LRRC37A: variants seen among roughly 807,000 people sequenced by gnomAD.
LRRC37A encodes leucine-rich repeat-containing protein 37A.
In LRRC37A, 3 loss-of-function variants were observed where a neutral mutation model predicts 35.4. That is an observed-to-expected ratio of 0.08 (90% CI 0.04 to 0.22). LRRC37A has a LOEUF of 0.22. Ranked by LOEUF, LRRC37A falls within the 10% of genes least tolerant of loss-of-function variation. The pLI is 1.00. For synonymous variants in LRRC37A, 23 were observed against 215.0 expected, an observed-to-expected ratio of 0.11 and a Z score of 7.81; for missense variants, 67 against 565.3, an observed-to-expected ratio of 0.12 and a Z score of 8.94.
the LRRC37A span, among the ~76,000 whole-genome samples, chr17:46,269,475 T>C: frequency 6.6e-6 from 1 of 152,214 alleles, no homozygotes; most frequent in Admixed American, 6.5e-5. Flanking sequence ...GAGGTTGTGG[T>C]GAGCCGAGAT....
At chr17:46,262,610 C>T in the LRRC37A span, among the ~76,000 whole-genome samples, 4 of 152,036 alleles carry the variant, frequency 2.6e-5, no homozygotes, top group Non-Finnish European at 5.9e-5. Context: ...TTATAATTTC[C>T]TTCTTCATAA....
the LRRC37A span, among the ~76,000 whole-genome samples, chr17:46,266,278 A>G: frequency 2.6e-5 from 4 of 152,112 alleles, no homozygotes; most frequent in Non-Finnish European, 4.4e-5. Flanking sequence ...AAACACCCTT[A>G]TTCTCCGCAC....
intron 5 of LRRC37A, among the ~76,000 whole-genome samples, chr17:46,316,621 T>A (rs567346144): frequency 5.3e-5 from 4 of 75,518 alleles, no homozygotes; most frequent in African/African-American, 1.4e-4. Context: ...TTGTTTTTTT[T>A]AATTTTTTTT....
chr17:46,252,992 G>A, the LRRC37A span, among the ~76,000 whole-genome samples: 3,314 of 149,136 alleles, frequency 0.022, 275 homozygotes, highest in African/African-American at 0.066. Flanking sequence ...ATTCCCAGAC[G>A]GGGCGACTGC....
Position 46,316,517 on chromosome 17 carries a change from C to T in LRRC37A, c.2907-5805C>T, listed in dbSNP as rs1050856448. On this transcript the variant is annotated intron_variant, in intron 5 of 13. Transcript: ENST00000320254. ...GGTGCAACCACTCACAACGTTGCAG[C>T]CTCCACCTCCCAGGCTTAAGCAATG... Among the ~76,000 whole-genome samples the T allele has an allele frequency of 5.5e-5, 3 of 54,496 alleles. 1 individual carries two copies. The highest frequency in any genetic ancestry group is 1.4e-4 in the African/African-American group (3 of 21,006). 35.8% of individuals were successfully genotyped at this position (54,496 alleles called of 152,430 possible). A position where few individuals can be genotyped will look rare whatever the true frequency, so the allele number is the denominator to read the frequency against.
At chr17:46,253,504 C>A in the LRRC37A span, among the ~76,000 whole-genome samples, 2 of 152,170 alleles carry the variant, frequency 1.3e-5, no homozygotes, top group East Asian at 3.9e-4. Context: ...CCCGGCACCT[C>A]GGGAGGCCGA....
chr17:46,316,273 C>T, intron 5 of LRRC37A, among the ~76,000 whole-genome samples: 1 of 17,116 alleles, frequency 5.8e-5, no homozygotes, highest in East Asian at 7.5e-4. Context: ...CCTTATAGGG[C>T]AGGTCTTCTA....
At chr17:46,262,084 G>A in the LRRC37A span, among the ~76,000 whole-genome samples, 6 of 152,136 alleles carry the variant, frequency 3.9e-5, no homozygotes, top group African/African-American at 1.4e-4. Context: ...TGAGCAGCTG[G>A]GACTACAGGC....
At chr17:46,287,131 A>T in the LRRC37A span, among the ~76,000 whole-genome samples, 1 of 152,272 alleles carries the variant, frequency 6.6e-6, no homozygotes, top group Non-Finnish European at 1.5e-5. Context: ...AAACTCCAGT[A>T]TCTGATGCTC....
chr17:46,276,290 GATAA>G, the LRRC37A span, among the ~76,000 whole-genome samples: 5 of 152,244 alleles, frequency 3.3e-5, no homozygotes, highest in African/African-American at 1.2e-4. Context: ...TGCAATAGCA[GATAA>G]ATACAGTATT....
chr17:46,266,901 C>T, the LRRC37A span: 2 of 314,260 alleles, frequency 6.4e-6, no homozygotes, highest in Non-Finnish European at 1.1e-5. Context: ...CGCGCGCGCT[C>T]ACGGGCCCTA....
chr17:46,264,146 CT>C, the LRRC37A span, among the ~76,000 whole-genome samples: 166 of 138,744 alleles, frequency 1.2e-3, no homozygotes, highest in East Asian at 3.2e-3. Context: ...CCTCAGCTGA[CT>C]TTTTTTTTTT....
chr17:46,258,133 G>A, the LRRC37A span, among the ~76,000 whole-genome samples: 1 of 152,184 alleles, frequency 6.6e-6, no homozygotes, highest in African/African-American at 2.4e-5. Flanking sequence ...TCCCCACATA[G>A]CTAGAGTGAA....
chr17:46,261,163 A>G, the LRRC37A span, among the ~76,000 whole-genome samples: 3 of 152,162 alleles, frequency 2.0e-5, no homozygotes, highest in African/African-American at 4.8e-5. Context: ...CCACTAAAGA[A>G]CTTACTTACG....
At chr17:46,274,365 T>G in the LRRC37A span, among the ~76,000 whole-genome samples, 18,482 of 152,282 alleles carry the variant, frequency 0.12, no homozygotes, top group Non-Finnish European at 0.18. Flanking sequence ...TATATTCAAG[T>G]CACCAGAGTC....
the LRRC37A span, among the ~76,000 whole-genome samples, chr17:46,278,213 T>A: frequency 6.6e-6 from 1 of 152,178 alleles, no homozygotes; most frequent in Non-Finnish European, 1.5e-5. Flanking sequence ...TCCCAAGTGC[T>A]GGGATTACAG....
At chr17:46,282,270 T>C in the LRRC37A span, among the ~76,000 whole-genome samples, 6 of 151,778 alleles carry the variant, frequency 4.0e-5, no homozygotes, top group African/African-American at 1.5e-4. Context: ...GCCCGCCTAA[T>C]TTTTTGTTAT....
the LRRC37A span, chr17:46,259,655 C>A: frequency 6.2e-6 from 10 of 1,608,994 alleles, no homozygotes; most frequent in East Asian, 2.2e-5. Flanking sequence ...TCCTTGGCCA[C>A]CTCATGCCCA....
chr17:46,257,159 A>G, the LRRC37A span, among the ~76,000 whole-genome samples: 1 of 151,896 alleles, frequency 6.6e-6, no homozygotes, highest in Non-Finnish European at 1.5e-5. Context: ...TAAAGATTTA[A>G]CACTAGGCTG....
Sources: allele counts gnomAD v4.1 joint callset (sites outside exome capture counted in the v4.1 genomes callset), GRCh38; gene constraint gnomAD v4.1.1; transcripts MANE v1.5; gene names NCBI Gene and HGNC (gene_info 2026-07-23, HGNC 2026-07-21).